Variants in DLGAP1 observed in about 807,000 individuals in gnomAD.
DLGAP1 encodes the protein DLG associated protein 1.
DLGAP1 carries 11 observed loss-of-function variants against 90.8 expected under a neutral mutation model. That is an observed-to-expected ratio of 0.12 (90% confidence interval 0.08 to 0.20). DLGAP1 has a LOEUF of 0.20. Among genes scored for constraint, DLGAP1 ranks in the 10% least tolerant of loss-of-function variants. The pLI, the probability that DLGAP1 is intolerant of heterozygous loss-of-function variation, is 1.00. For synonymous variants in DLGAP1, 558 were observed against 540.7 expected (o/e 1.03, Z -0.44); for missense variants, 1,050 against 1,333.8 (o/e 0.79, Z 3.31).
intron 3 of DLGAP1, among the ~76,000 whole-genome samples, chr18:3,959,669 A>AAAAGAAAGAAAGAAAGAAAG (rs35192992): frequency 1.3e-5 from 2 of 149,202 alleles, no homozygotes; most frequent in African/African-American, 5.0e-5. Flanking sequence ...GTCTCAAAAA[A>AAAAGAAAGAAAGAAAGAAAG]AAAGAAAGAA....
chr18:3,791,364 T>C (rs779175939), intron 5 of DLGAP1, among the ~76,000 whole-genome samples: 2 of 152,192 alleles, frequency 1.3e-5, no homozygotes, highest in Non-Finnish European at 2.9e-5. Context: ...CTCTTGTAAT[T>C]TCATATACAG....
At chr18:3,788,207 G>C (rs2065551333) in intron 5 of DLGAP1, among the ~76,000 whole-genome samples, 1 of 152,206 alleles carries the variant, frequency 6.6e-6, no homozygotes, top group South Asian at 2.1e-4. Context: ...TGAAACATGA[G>C]AGTTGGACTA....
At chr18:4,221,727 C>T (rs1267010754) in intron 1 of DLGAP1, among the ~76,000 whole-genome samples, 4 of 152,128 alleles carry the variant, frequency 2.6e-5, no homozygotes, top group Non-Finnish European at 2.9e-5. Context: ...CTGCCTCATA[C>T]TTTACTCTAT....
chr18:3,709,497 T>C (rs954073731), intron 7 of DLGAP1, among the ~76,000 whole-genome samples: 4 of 152,332 alleles, frequency 2.6e-5, no homozygotes, highest in South Asian at 4.1e-4. Flanking sequence ...TTGAAAGTAA[T>C]TGCACATGTC....
intron 7 of DLGAP1, among the ~76,000 whole-genome samples, chr18:3,672,458 T>C (rs1001511643): frequency 2.6e-5 from 4 of 151,510 alleles, no homozygotes; most frequent in Non-Finnish European, 4.4e-5. Context: ...ATGCCTGTAA[T>C]CCCAGGTACT....
chr18:3,741,450 T>A (rs1396710287), intron 6 of DLGAP1, among the ~76,000 whole-genome samples: 2 of 148,476 alleles, frequency 1.3e-5, no homozygotes, highest in Non-Finnish European at 3.0e-5. Context: ...TCACTGCCAC[T>A]ACCATCACCA....
chr18:4,269,683 G>T (rs2079230271), intron 1 of DLGAP1, among the ~76,000 whole-genome samples: 1 of 151,900 alleles, frequency 6.6e-6, no homozygotes, highest in African/African-American at 2.4e-5. Flanking sequence ...TTTTCACCGA[G>T]AAATAAAAGC....
At chr18:3,717,141 A>G (rs2061793488) in intron 7 of DLGAP1, among the ~76,000 whole-genome samples, 2 of 149,468 alleles carry the variant, frequency 1.3e-5, no homozygotes, top group African/African-American at 2.5e-5. Context: ...AATATGCTGC[A>G]TTTCAAAAGA....
intron 2 of DLGAP1, among the ~76,000 whole-genome samples, chr18:4,011,148 C>T (rs1238272393): frequency 6.9e-6 from 1 of 144,150 alleles, no homozygotes; most frequent in African/African-American, 2.6e-5. Flanking sequence ...TGCACTCTAG[C>T]CTGGGAGACA....
In DLGAP1 at chr18:3,499,387, C is replaced by G. The variant is rs1292446923; in HGVS notation, c.2732G>C (p.Arg911Thr). 2 of 1,549,416 alleles carry G rather than the reference C, an allele frequency of 1.3e-6. No individual in the cohort carries two copies. Among genetic ancestry groups the G allele is most frequent in the East Asian group, 2.4e-5 (1 of 40,922 alleles). Residue 911 changes from arginine (R) to threonine (T), a missense_variant, in exon 13 of 13, where the codon AGG becomes ACG. By Grantham distance (71) the Arg-to-Thr change is moderately conservative. Transcript: ENST00000315677. The surrounding 1 kb of genome is among the most constrained non-coding windows in gnomAD (Gnocchi z 6.4). ...CTTCTTTGGCACTGGAGGAGGGGCC[C>G]TTCTCTCCTGATCAAAGCAGAAGGT... The part of the protein sequence containing the change: ...QMDPLDKKER[R>T]APPPVPKKPA...
At chr18:4,339,787 C>T (rs2081149386) in intron 1 of DLGAP1, among the ~76,000 whole-genome samples, 1 of 151,994 alleles carries the variant, frequency 6.6e-6, no homozygotes, top group African/African-American at 2.4e-5. Context: ...TATCATTTAC[C>T]CTGAATGTAC....
At chr18:3,644,432 T>C (rs9948438) in intron 7 of DLGAP1, among the ~76,000 whole-genome samples, 57,149 of 151,648 alleles carry the variant, frequency 0.38, 14,086 homozygotes, top group African/African-American at 0.71. Context: ...TTTATTGAGA[T>C]GGAGTTTTGC....
intron 2 of DLGAP1, among the ~76,000 whole-genome samples, chr18:4,030,727 C>G (rs1270492996): frequency 1.3e-5 from 2 of 152,152 alleles, no homozygotes; most frequent in African/African-American, 4.8e-5. Flanking sequence ...TCGAGACCAG[C>G]CTGGGCAACA....
chr18:4,445,298 CTTTT>C (rs71160965), intron 1 of DLGAP1, among the ~76,000 whole-genome samples: 19 of 148,004 alleles, frequency 1.3e-4, no homozygotes, highest in Non-Finnish European at 1.5e-4. Flanking sequence ...TACCAATCAT[CTTTT>C]TTTTTTTATT....
At chr18:4,297,300 G>A (rs572024057) in intron 1 of DLGAP1, among the ~76,000 whole-genome samples, 138 of 152,160 alleles carry the variant, frequency 9.1e-4, no homozygotes, top group Non-Finnish European at 1.5e-3. Flanking sequence ...CCACCACACC[G>A]AGCCATGACC....
At chr18:4,192,793 A>G (rs1380571879) in intron 1 of DLGAP1, among the ~76,000 whole-genome samples, 2 of 152,214 alleles carry the variant, frequency 1.3e-5, no homozygotes, top group Non-Finnish European at 2.9e-5. Flanking sequence ...TAGAGCTGTA[A>G]GGAGATGCCA....
At chr18:3,935,750 A>C (rs2072621090) in intron 3 of DLGAP1, among the ~76,000 whole-genome samples, 1 of 152,208 alleles carries the variant, frequency 6.6e-6, no homozygotes, top group African/African-American at 2.4e-5. Flanking sequence ...AATGTTGAAG[A>C]TGGGGACTGT....
intron 1 of DLGAP1, among the ~76,000 whole-genome samples, chr18:4,336,553 T>C (rs2081070926): frequency 1.3e-5 from 2 of 152,214 alleles, no homozygotes; most frequent in South Asian, 4.1e-4. Flanking sequence ...TATACTAGTG[T>C]GTCCTCCCAG....
intron 1 of DLGAP1, among the ~76,000 whole-genome samples, chr18:4,154,142 A>G (rs1421544104): frequency 6.6e-6 from 1 of 151,908 alleles, no homozygotes. Flanking sequence ...AGCTCACTGC[A>G]GCCTCAAACT....
Sources: allele counts gnomAD v4.1 joint callset (sites outside exome capture counted in the v4.1 genomes callset), GRCh38; gene constraint gnomAD v4.1.1; non-coding constraint Gnocchi (gnomAD v3.1); transcripts MANE v1.5; gene names NCBI Gene and HGNC (gene_info 2026-07-23, HGNC 2026-07-21).